Variants in A2M observed in about 807,000 individuals in gnomAD.
A2M encodes C3 and PZP-like alpha-2-macroglobulin domain-containing protein 5.
Under a neutral mutation model 183.9 loss-of-function variants are expected in A2M, and 128 were observed. That is an observed-to-expected ratio of 0.70 (90% CI 0.60 to 0.81). A2M has a LOEUF of 0.81. Among genes scored for constraint, A2M ranks in the 30% least tolerant of loss-of-function variants. The pLI is 0.00. For missense variants in A2M, 1,495 were observed against 1,787.6 expected (o/e 0.84, Z 2.95); for synonymous variants, 592 against 670.8 (o/e 0.88, Z 1.81).
intron 16 of A2M, 81 bp downstream of exon 16, chr12:9,095,458 G>A: frequency 1.5e-6 from 2 of 1,347,776 alleles, no homozygotes; most frequent in Non-Finnish European, 2.1e-6. Context: ...AGGACATGAA[G>A]GCATTCAAAT....
intron 35 of A2M, 55 bp downstream of exon 35, chr12:9,068,128 G>A: frequency 6.3e-7 from 1 of 1,581,044 alleles, no homozygotes; most frequent in Non-Finnish European, 8.6e-7. Flanking sequence ...GAGAAGGTTT[G>A]GGGGGCAAGC....
intron 1 of A2M, 59 bp downstream of exon 1, chr12:9,115,705 A>C: frequency 7.7e-7 from 1 of 1,299,906 alleles, no homozygotes; most frequent in Non-Finnish European, 1.1e-6. Flanking sequence ...TATAAAGAAA[A>C]ATCTGCAATA....
chr12:9,110,176 G>T, intron 5 of A2M, 138 bp downstream of exon 5: 1 of 1,112,212 alleles, frequency 9.0e-7, no homozygotes, highest in Non-Finnish European at 1.3e-6. Context: ...ATGAGTTATA[G>T]CCATCTAGCT....
At chr12:9,070,389 G>T (rs1948533895) in intron 32 of A2M, 99 bp downstream of exon 32, 3 of 813,504 alleles carry the variant, frequency 3.7e-6, no homozygotes, top group Admixed American at 4.6e-5. Context: ...CTTTGATAGA[G>T]ATTGACTTTA....
chr12:9,112,630 C>G, intron 2 of A2M, 94 bp from the exon 3 acceptor site: 1 of 1,368,278 alleles, frequency 7.3e-7, no homozygotes, highest in Non-Finnish European at 1.0e-6. Context: ...TCTTGCCCTT[C>G]TTACTTAACT....
intron 22 of A2M, among the ~76,000 whole-genome samples, chr12:9,086,200 A>T (rs1300881823): frequency 2.0e-5 from 3 of 152,218 alleles, no homozygotes; most frequent in Non-Finnish European, 4.4e-5. Context: ...AAAAAGAATT[A>T]CAGACCAATA....
rs920565803 is a variant in A2M at position 9,101,086 on chromosome 12, G to A, written c.1558+58C>T. 3.4e-6 allele frequency: 5 copies of A among 1,470,690 alleles called. No homozygotes were observed. The African/African-American group carries it at 4.2e-5, about 12-fold the overall frequency. 91.1% of individuals were successfully genotyped at this position (1,470,690 alleles called of 1,614,324 possible). A position where few individuals can be genotyped will look rare whatever the true frequency, so the allele number is the denominator to read the frequency against. The stretch of plus-strand genomic sequence containing the variant: ...GGGAAAGTATTCTGATACTTCCGTG[G>A]TGTAAGGCTGAATGGGTCAGAATGG... On this transcript the variant is annotated intron_variant, in intron 13 of 35. Coordinates refer to ENST00000318602, the MANE Select transcript of A2M (RefSeq NM_000014.6).
intron 14 of A2M, 136 bp from the exon 15 acceptor site, chr12:9,098,892 A>T: frequency 1.1e-6 from 1 of 892,452 alleles, no homozygotes; most frequent in Non-Finnish European, 1.7e-6. Flanking sequence ...CATTGTGTCA[A>T]TCCTGAAGCT....
chr12:9,097,856 C>T (rs1185728234), intron 15 of A2M, among the ~76,000 whole-genome samples: 1 of 152,200 alleles, frequency 6.6e-6, no homozygotes, highest in Non-Finnish European at 1.5e-5. Flanking sequence ...TGGTCTCAAA[C>T]TCCTGATCTC....
chr12:9,106,677 G>A (rs747286123), intron 8 of A2M, 72 bp from the exon 9 acceptor site: 5 of 753,492 alleles, frequency 6.6e-6, no homozygotes, highest in East Asian at 5.6e-5. Context: ...TCAGATAACC[G>A]GTGTGATTTT....
chr12:9,071,053 A>G (rs1194264614), intron 31 of A2M, among the ~76,000 whole-genome samples: 2 of 151,888 alleles, frequency 1.3e-5, no homozygotes, highest in Non-Finnish European at 2.9e-5. Flanking sequence ...CTCCCGACCT[A>G]AGGTAATCTG....
At chr12:9,090,878 T>G (rs374512690) in intron 19 of A2M, among the ~76,000 whole-genome samples, 3 of 152,206 alleles carry the variant, frequency 2.0e-5, no homozygotes, top group African/African-American at 7.2e-5. Flanking sequence ...TTTAATATAA[T>G]GAATGAGCTA....
At position 9,072,652 on chromosome 12, in the gene A2M, C is replaced by T. The variant is rs111816916; in HGVS notation, c.3975+1G>A. 1 of 1,613,936 alleles carries T rather than the reference C, an allele frequency of 6.2e-7. No individual in the cohort carries two copies. Among genetic ancestry groups the T allele is most frequent in the Non-Finnish European group, 8.5e-7 (1 of 1,179,840 alleles). On this transcript the variant is annotated splice_donor_variant, in intron 30 of 35. Transcript: ENST00000318602. LOFTEE classifies it high-confidence loss of function. Reference sequence around the variant, plus strand: ...TGTCCTCACCTGCCCAAGAGTCTCACCTGGAGGTAGACACATCCTTCTCCT... The same window carrying T: ...TGTCCTCACCTGCCCAAGAGTCTCATCTGGAGGTAGACACATCCTTCTCCT...
Position 9,099,438 on chromosome 12 carries a change from G to C in A2M, c.1644C>G (p.Thr548=). The stretch of plus-strand genomic sequence containing the variant: ...TTGCAGAATCCCCAATCACGTCCCC[G>C]GTAGGTAAAACAGCATAGATGAGCA... ...ARLLIYAVLP[T]GDVIGDSAKY... is the part of the protein sequence containing the mutation. The change falls in exon 14 of 36, where the codon ACC becomes ACG. Residue 548 remains threonine, a synonymous_variant. Transcript: ENST00000318602. 2.5e-6 allele frequency: 4 copies of C among 1,597,934 alleles called. No homozygotes were observed. Among genetic ancestry groups the C allele is most frequent in the Non-Finnish European group, 3.4e-6 (4 of 1,171,958 alleles).
chr12:9,106,413 C>G (rs1938288632), intron 9 of A2M, 68 bp from the exon 10 acceptor site: 1 of 1,436,020 alleles, frequency 7.0e-7, no homozygotes. Flanking sequence ...ATCACCTCCC[C>G]CCAACTTACA....
At chr12:9,086,435 T>C (rs1481065750) in intron 22 of A2M, among the ~76,000 whole-genome samples, 1 of 152,088 alleles carries the variant, frequency 6.6e-6, no homozygotes, top group Non-Finnish European at 1.5e-5. Context: ...AGTAAAAGGA[T>C]CATCTACCTA....
chr12:9,094,975 TA>T lies in A2M; in HGVS notation c.2122del (p.Tyr708MetfsTer5). On this transcript the variant is annotated frameshift_variant, in exon 17 of 36. Transcript: ENST00000318602. LOFTEE classifies it high-confidence loss of function. ...HGPEGLRVGFYESDVMGRGHA... is the reference protein window; with the variant it reads ...HGPEGLRVGFXESDVMGRGHA... ...ATATTTATTAATTTTTTGTTTACCA[TA>T]AAAACCTACACGTAGACCTTCAGGT... 6.6e-7 allele frequency: 1 copy of T among 1,521,306 alleles called. No individual in the cohort carries two copies. The highest frequency in any genetic ancestry group is 8.8e-7 in the Non-Finnish European group (1 of 1,130,494). The allele number at this position is 1,521,306 out of a possible 1,614,324, so 94.2% of individuals were successfully genotyped here. A position where few individuals can be genotyped will look rare whatever the true frequency, so the allele number is the denominator to read the frequency against.
Position 9,107,603 on chromosome 12 carries a change from C to G in A2M, c.800G>C (p.Ser267Thr). Residue 267 changes from serine (S) to threonine (T), a missense_variant, in exon 8 of 36, where the codon AGC (serine) becomes ACC (threonine). Ser to Thr is a moderately conservative substitution (Grantham distance 58). Transcript: ENST00000318602. The stretch of plus-strand genomic sequence containing the variant: ...AGCGTCACTATACTTTCTGCAAATG[C>G]TCACAGTCACATGTCCAGGGACAGG... ...GKPVPGHVTVSICRKYSDASD... is the reference protein window; with the variant it reads ...GKPVPGHVTVTICRKYSDASD... The G allele has an allele frequency of 6.2e-7, 1 of 1,614,034 alleles. No homozygotes were observed. The highest frequency in any genetic ancestry group is 8.5e-7 in the Non-Finnish European group (1 of 1,179,914).
chr12:9,085,303 A>G (rs1293856310), intron 22 of A2M, among the ~76,000 whole-genome samples: 1 of 152,134 alleles, frequency 6.6e-6, no homozygotes, highest in Non-Finnish European at 1.5e-5. Context: ...GTTTCATCGT[A>G]TCAAGTATCT....
Sources: gnomAD v4.1 joint callset for allele counts (sites outside exome capture counted in the v4.1 genomes callset) on GRCh38, gnomAD v4.1.1 for gene constraint, MANE v1.5 for transcripts, NCBI Gene and HGNC (gene_info 2026-07-23, HGNC 2026-07-21) for gene names.